BBS9: variants seen among roughly 807,000 people sequenced by gnomAD.
BBS9 encodes protein PTHB1.
Under a neutral mutation model 117.7 loss-of-function variants are expected in BBS9, and 89 were observed. That is an observed-to-expected ratio of 0.76 (90% confidence interval 0.64 to 0.90). BBS9 has a LOEUF of 0.90. BBS9 is among the 40% of genes least tolerant of loss of function. The pLI, the probability that BBS9 is intolerant of heterozygous loss-of-function variation, is 0.00. For synonymous variants in BBS9, 379 were observed against 370.9 expected (o/e 1.02, Z -0.25); for missense variants, 982 against 1,042.2 (o/e 0.94, Z 0.80).
chr7:33,224,547 A>G (rs1216291223), intron 5 of BBS9, among the ~76,000 whole-genome samples: 1 of 152,224 alleles, frequency 6.6e-6, no homozygotes, highest in African/African-American at 2.4e-5. Flanking sequence ...GGCTTAAAAA[A>G]TATGTTAATA....
intron 15 of BBS9, among the ~76,000 whole-genome samples, chr7:33,356,864 G>A (rs930661635): frequency 1.3e-5 from 2 of 151,836 alleles, no homozygotes; most frequent in African/African-American, 4.8e-5. Context: ...AGGAATTAAT[G>A]TGTGGATTCA....
chr7:33,487,813 A>T (rs375779346), intron 19 of BBS9, among the ~76,000 whole-genome samples: 1 of 152,172 alleles, frequency 6.6e-6, no homozygotes, highest in African/African-American at 2.4e-5. Flanking sequence ...AAACTGAGAA[A>T]TGTAAGGTTG....
At chr7:33,462,930 G>C (rs1839678830) in intron 19 of BBS9, among the ~76,000 whole-genome samples, 1 of 152,092 alleles carries the variant, frequency 6.6e-6, no homozygotes, top group Admixed American at 6.6e-5. Context: ...ACCTGAGTGA[G>C]TAGATTAACT....
At chr7:33,477,930 T>C (rs757253771) in intron 19 of BBS9, among the ~76,000 whole-genome samples, 1 of 152,092 alleles carries the variant, frequency 6.6e-6, no homozygotes, top group Non-Finnish European at 1.5e-5. Context: ...TTGGTATTGT[T>C]TGTTGGGTTT....
chr7:33,409,752 C>A (rs1382026684), intron 19 of BBS9, among the ~76,000 whole-genome samples: 1 of 152,076 alleles, frequency 6.6e-6, no homozygotes, highest in African/African-American at 2.4e-5. Context: ...TTTGCATTTT[C>A]CTAACGATGT....
intron 5 of BBS9, among the ~76,000 whole-genome samples, chr7:33,184,722 C>T (rs1798581314): frequency 6.6e-6 from 1 of 152,092 alleles, no homozygotes; most frequent in Non-Finnish European, 1.5e-5. Context: ...GAGAATGTTA[C>T]TGGAAAGGGG....
chr7:33,629,670 T>A (rs181614484), intron 21 of BBS9, among the ~76,000 whole-genome samples: 14 of 152,322 alleles, frequency 9.2e-5, no homozygotes, highest in Non-Finnish European at 1.6e-4. Context: ...CTTTTAGGTA[T>A]TTTAAAACGT....
intron 20 of BBS9, among the ~76,000 whole-genome samples, chr7:33,514,057 G>GA (rs1254819768): frequency 6.6e-6 from 1 of 152,186 alleles, no homozygotes; most frequent in Non-Finnish European, 1.5e-5. Flanking sequence ...ATGAAGCACT[G>GA]AAAGCAACCT....
Position 33,171,661 on chromosome 7 carries a change from A to G in BBS9, c.329-5817A>G, listed in dbSNP as rs866744483. 2.6e-5 allele frequency among the ~76,000 whole-genome samples: 4 copies of G among 152,270 alleles called. No homozygotes were observed. In the South Asian group the frequency reaches 8.3e-4, roughly 32 times the overall value. On this transcript the variant is annotated intron_variant, in intron 4 of 22. Transcript: ENST00000242067. ...ACCTAAATATATGTAGCTTTTCTGT[A>G]TCATATAAAAATAACATCAACGTAT...
At chr7:33,294,130 A>G (rs1165376547) in intron 9 of BBS9, among the ~76,000 whole-genome samples, 3 of 152,322 alleles carry the variant, frequency 2.0e-5, no homozygotes, top group Non-Finnish European at 1.5e-5. Context: ...ATTTTACATT[A>G]TATGATGCTG....
At chr7:33,247,185 A>G (rs1192240263) in intron 5 of BBS9, among the ~76,000 whole-genome samples, 1 of 152,166 alleles carries the variant, frequency 6.6e-6, no homozygotes, top group Non-Finnish European at 1.5e-5. Context: ...AGTTTGGTCT[A>G]TAAGGAATAG....
Position 33,418,571 on chromosome 7 carries a change from T to C in BBS9, c.2115+30427T>C, listed in dbSNP as rs113919947. ...AAGGCTGCCCCATGCCCTGTGGTTA[T>C]TGCTTTACAAGCTAGAGGCTCAGAT... On this transcript the variant is annotated intron_variant, in intron 19 of 22. Coordinates refer to ENST00000242067, the MANE Select transcript of BBS9 (RefSeq NM_198428.3). Among the ~76,000 whole-genome samples, 59 of 152,328 alleles carry C rather than the reference T, an allele frequency of 3.9e-4. 1 individual carries two copies. The highest frequency in any genetic ancestry group is 1.3e-3 in the African/African-American group (56 of 41,584).
chr7:33,520,378 A>G (rs1469372342), intron 20 of BBS9, among the ~76,000 whole-genome samples: 2 of 152,262 alleles, frequency 1.3e-5, no homozygotes, highest in East Asian at 3.9e-4. Context: ...GTGAACCCGC[A>G]CAGAAAAGAT....
chr7:33,256,106 T>G (rs1797016008), intron 5 of BBS9, among the ~76,000 whole-genome samples: 1 of 152,108 alleles, frequency 6.6e-6, no homozygotes, highest in Non-Finnish European at 1.5e-5. Context: ...TGAGCTGAGA[T>G]CGTGCCACTG....
At chr7:33,360,993 G>A (rs1387406260) in intron 16 of BBS9, among the ~76,000 whole-genome samples, 1 of 152,082 alleles carries the variant, frequency 6.6e-6, no homozygotes, top group Non-Finnish European at 1.5e-5. Context: ...TTCAGCTTCA[G>A]GCATCATATC....
chr7:33,583,446 T>C (rs1424325471), intron 21 of BBS9, among the ~76,000 whole-genome samples: 1 of 152,162 alleles, frequency 6.6e-6, no homozygotes, highest in African/African-American at 2.4e-5. Context: ...CATTGGATTC[T>C]TGATATTTGG....
chr7:33,272,186 T>G (rs1229485662), intron 7 of BBS9, among the ~76,000 whole-genome samples: 1 of 152,140 alleles, frequency 6.6e-6, no homozygotes, highest in Admixed American at 6.5e-5. Flanking sequence ...TCACATGTTC[T>G]TACTTTCACT....
chr7:33,613,284 G>C (rs573798267), intron 21 of BBS9, among the ~76,000 whole-genome samples: 74 of 152,204 alleles, frequency 4.9e-4, no homozygotes, highest in African/African-American at 1.6e-3. Context: ...TCAAATGCTT[G>C]AAAGAACCCT....
At chr7:33,505,733 A>G (rs1846066075) in intron 20 of BBS9, 88 bp downstream of exon 20, 1 of 1,381,186 alleles carries the variant, frequency 7.2e-7, no homozygotes, top group Non-Finnish European at 1.0e-6. Context: ...CAGGTTTTCT[A>G]AGGTATCAAA....
Sources: allele counts gnomAD v4.1 joint callset (sites outside exome capture counted in the v4.1 genomes callset), GRCh38; gene constraint gnomAD v4.1.1; transcripts MANE v1.5; gene names NCBI Gene and HGNC (gene_info 2026-07-23, HGNC 2026-07-21).